PAPSS2: variants seen among roughly 807,000 people sequenced by gnomAD.
The protein encoded by PAPSS2 is bifunctional 3'-phosphoadenosine 5'-phosphosulfate synthase 2.
A neutral mutation model predicts 66.5 loss-of-function variants in PAPSS2; 61 were observed. The ratio of observed to expected loss-of-function variants is 0.92; its 90% confidence interval spans 0.75 to 1.14. The LOEUF (loss-of-function observed/expected upper bound fraction) is 1.14, where lower values mean the gene tolerates loss of function less well. Among genes scored for constraint, PAPSS2 ranks in the 50% most tolerant of loss-of-function variants. PAPSS2 has a pLI of 0.00. For synonymous variants in PAPSS2, 289 were observed against 287.5 expected, an observed-to-expected ratio of 1.01 and a Z score of -0.05; for missense variants, 708 against 789.6, an observed-to-expected ratio of 0.90 and a Z score of 1.24.
chr10:87,668,861 A>G (rs1489031972), intron 1 of PAPSS2, among the ~76,000 whole-genome samples: 1 of 152,154 alleles, frequency 6.6e-6, no homozygotes, highest in African/African-American at 2.4e-5. Context: ...TGATCACCCT[A>G]CCACACGCTT....
rs528197652 is a variant in PAPSS2 at position 87,743,567 on chromosome 10, G to A, written c.1417G>A (p.Glu473Lys). ...RMKQHAAVLEEGVLDPKSTIV... is the reference protein window; with the variant it reads ...RMKQHAAVLEKGVLDPKSTIV... ...GAAGCAGCACGCGGCTGTGCTCGAG[G>A]AAGGGGTCCTGGATCCCAAGTCAAC... The change falls in exon 11 of 13, where the codon GAA (glutamate) becomes AAA (lysine). Residue 473 changes from glutamate (E) to lysine (K), a missense_variant. Coordinates refer to ENST00000456849, the MANE Select transcript of PAPSS2 (RefSeq NM_001015880.2). 1 of 1,614,178 alleles carries A rather than the reference G, an allele frequency of 6.2e-7. No homozygotes were observed. Among genetic ancestry groups the A allele is most frequent in the Non-Finnish European group, 8.5e-7 (1 of 1,180,008 alleles).
intron 1 of PAPSS2, among the ~76,000 whole-genome samples, chr10:87,706,140 G>GTGTGTGTGTGTATA (rs1304990011): frequency 5.5e-4 from 62 of 113,196 alleles, no homozygotes; most frequent in African/African-American, 2.3e-3. Flanking sequence ...GTGTGTGTGT[G>GTGTGTGTGTGTATA]TATATATATA....
intron 1 of PAPSS2, among the ~76,000 whole-genome samples, chr10:87,666,538 G>A (rs1307191172): frequency 6.6e-6 from 1 of 151,744 alleles, no homozygotes; most frequent in Non-Finnish European, 1.5e-5. Flanking sequence ...AGTGTGGAGT[G>A]GGGAGTGCTC....
chr10:87,714,976 T>G lies in PAPSS2; in HGVS notation c.640-9T>G. On this transcript the variant is annotated splice_polypyrimidine_tract_variant and intron_variant, in intron 5 of 12. Transcript: ENST00000456849. ...TTTTCAAGTTTTTACCAATGCTGTT[T>G]CATTTCAGAACATTGTACCCTATAC... 6.4e-7 allele frequency: 1 copy of G among 1,570,728 alleles called. No homozygotes were observed. Among genetic ancestry groups the G allele is most frequent in the South Asian group, 1.1e-5 (1 of 90,210 alleles).
chr10:87,676,872 C>CAAAAAAA lies in PAPSS2; in HGVS notation c.27+16897_27+16903dup, dbSNP rs71019493. Among the ~76,000 whole-genome samples, 3 of 31,368 alleles carry CAAAAAAA rather than the reference C, an allele frequency of 9.6e-5. 1 individual carries two copies. The highest frequency in any genetic ancestry group is 1.8e-4 in the Non-Finnish European group (3 of 16,976). 20.6% of individuals were successfully genotyped at this position (31,368 alleles called of 152,430 possible). ...TGGATGACAGAATGAGACCCTGTCT[C>CAAAAAAA]AAAAAAAAAAAAAAAAAAAAAAAAA... is the stretch of plus-strand genomic sequence containing the variant. On this transcript the variant is annotated intron_variant, in intron 1 of 12. Transcript: ENST00000456849.
intron 1 of PAPSS2, chr10:87,703,703 G>A (rs7923151): frequency 1.9e-5 from 10 of 517,468 alleles, no homozygotes; most frequent in Non-Finnish European, 3.5e-5. Context: ...CTCCAAAATC[G>A]ATACTCATGC....
chr10:87,721,382 G>A (rs1361898913), intron 7 of PAPSS2, among the ~76,000 whole-genome samples: 1 of 152,188 alleles, frequency 6.6e-6, no homozygotes, highest in East Asian at 1.9e-4. Flanking sequence ...TACAGTGGTT[G>A]TGAGATCACA....
chr10:87,688,085 G>A (rs1853110965), intron 1 of PAPSS2, among the ~76,000 whole-genome samples: 3 of 152,030 alleles, frequency 2.0e-5, no homozygotes, highest in African/African-American at 7.3e-5. Context: ...AACTAGTCAG[G>A]TGTAACTGGA....
intron 9 of PAPSS2, among the ~76,000 whole-genome samples, chr10:87,734,157 C>T (rs1272017239): frequency 6.6e-6 from 1 of 152,140 alleles, no homozygotes; most frequent in African/African-American, 2.4e-5. Flanking sequence ...CGCAAAGCCT[C>T]TTGCCACCAC....
intron 1 of PAPSS2, among the ~76,000 whole-genome samples, chr10:87,665,631 A>T (rs773083022): frequency 6.6e-6 from 1 of 152,180 alleles, no homozygotes; most frequent in East Asian, 1.9e-4. Flanking sequence ...CTCACTTTCT[A>T]TGCCAAGACA....
chr10:87,659,925 T>C lies in PAPSS2; in HGVS notation c.-57T>C, dbSNP rs1564704761. On this transcript the variant is annotated 5_prime_UTR_variant, in exon 1 of 13. Coordinates refer to ENST00000456849, the MANE Select transcript of PAPSS2 (RefSeq NM_001015880.2). ...GCTGCTGCCGCCGCCGCCGCCGCCG[T>C]CCCTGCGTCCTTCGGTCTCTGCTCC... 1.3e-6 allele frequency: 2 copies of C among 1,569,240 alleles called. No individual in the cohort carries two copies. Among genetic ancestry groups the C allele is most frequent in the Non-Finnish European group, 8.7e-7 (1 of 1,144,626 alleles).
At chr10:87,686,204 A>AT (rs111344912) in intron 1 of PAPSS2, among the ~76,000 whole-genome samples, 9 of 151,108 alleles carry the variant, frequency 6.0e-5, no homozygotes, top group Admixed American at 2.0e-4. Context: ...GATTAAAACA[A>AT]TTTTTTTTCC....
At chr10:87,742,609 G>T (rs990481447) in intron 10 of PAPSS2, among the ~76,000 whole-genome samples, 1 of 152,152 alleles carries the variant, frequency 6.6e-6, no homozygotes, top group African/African-American at 2.4e-5. Flanking sequence ...GCTCTCAGGA[G>T]TCCACCACTA....
chr10:87,670,334 C>T (rs977876943), intron 1 of PAPSS2, among the ~76,000 whole-genome samples: 3 of 152,052 alleles, frequency 2.0e-5, no homozygotes, highest in Non-Finnish European at 4.4e-5. Flanking sequence ...AAAATTTGAC[C>T]CAGTTCAAGG....
intron 1 of PAPSS2, among the ~76,000 whole-genome samples, chr10:87,667,366 G>A (rs1266528305): frequency 6.6e-6 from 1 of 152,130 alleles, no homozygotes; most frequent in Non-Finnish European, 1.5e-5. Context: ...AGGTGGGATC[G>A]CCCCAGTACT....
At chr10:87,673,673 G>A (rs947287711) in intron 1 of PAPSS2, among the ~76,000 whole-genome samples, 1 of 140,130 alleles carries the variant, frequency 7.1e-6, no homozygotes, top group Admixed American at 7.1e-5. Flanking sequence ...AAGCTCAGAA[G>A]TGAATTTTTG....
intron 9 of PAPSS2, among the ~76,000 whole-genome samples, chr10:87,736,412 T>G (rs1193676162): frequency 6.6e-6 from 1 of 151,676 alleles, no homozygotes; most frequent in Non-Finnish European, 1.5e-5. Context: ...GGATTACAGG[T>G]GCCCGCCACC....
rs575598590 is a variant in PAPSS2, at chr10:87,689,296, T to C, written c.28-19900T>C. On this transcript the variant is annotated intron_variant, in intron 1 of 12. Coordinates refer to ENST00000456849, the MANE Select transcript of PAPSS2 (RefSeq NM_001015880.2). ...CAGAGGTTGTGGTGAGCCGAGATCA[T>C]GCCACTGCACCCCAGCCTAGGCAAC... is the stretch of plus-strand genomic sequence containing the variant. Among the ~76,000 whole-genome samples, 199 of 104,422 alleles carry C rather than the reference T, an allele frequency of 1.9e-3. 1 individual carries two copies. Among genetic ancestry groups the C allele is most frequent in the African/African-American group, 6.6e-3 (192 of 29,280 alleles). The allele number at this position is 104,422 out of a possible 152,430, so 68.5% of individuals were successfully genotyped here.
At chr10:87,740,584 G>A (rs12780234) in intron 9 of PAPSS2, among the ~76,000 whole-genome samples, 1 of 151,946 alleles carries the variant, frequency 6.6e-6, no homozygotes, top group Non-Finnish European at 1.5e-5. Flanking sequence ...TAATATGGCT[G>A]CCCATTCCAC....
Sources: gnomAD v4.1 joint callset for allele counts (sites outside exome capture counted in the v4.1 genomes callset) on GRCh38, gnomAD v4.1.1 for gene constraint, MANE v1.5 for transcripts, NCBI Gene and HGNC (gene_info 2026-07-23, HGNC 2026-07-21) for gene names.